Variants in ADGRL2 observed in about 807,000 individuals in gnomAD.
The protein encoded by ADGRL2 is calcium-independent alpha-latrotoxin receptor 2.
Under a neutral mutation model 157.4 loss-of-function variants are expected in ADGRL2, and 44 were observed. That is an observed-to-expected ratio of 0.28 (90% CI 0.22 to 0.36). The LOEUF is 0.36. Among genes scored for constraint, ADGRL2 ranks in the 10% least tolerant of loss-of-function variants. The pLI, the probability that ADGRL2 is intolerant of heterozygous loss-of-function variation, is 1.00. For missense variants in ADGRL2, 1,510 were observed against 1,768.9 expected, an observed-to-expected ratio of 0.85 and a Z score of 2.63; for synonymous variants, 585 against 624.7, an observed-to-expected ratio of 0.94 and a Z score of 0.95.
intron 1 of ADGRL2, among the ~76,000 whole-genome samples, chr1:81,755,354 C>T (rs1455126004): frequency 6.6e-6 from 1 of 151,482 alleles, no homozygotes; most frequent in Non-Finnish European, 1.5e-5. Flanking sequence ...TAGTTTGCTA[C>T]TATTGCTAAT....
intron 3 of ADGRL2, among the ~76,000 whole-genome samples, chr1:81,603,410 C>T (rs527418266): frequency 6.6e-6 from 1 of 152,264 alleles, no homozygotes; most frequent in East Asian, 1.9e-4. Flanking sequence ...CACATAATTA[C>T]TTATCTTCCA....
chr1:81,963,199 A>G (rs1439566626), intron 11 of ADGRL2, among the ~76,000 whole-genome samples: 1 of 151,932 alleles, frequency 6.6e-6, no homozygotes, highest in Non-Finnish European at 1.5e-5. Context: ...TATCACTTTT[A>G]AAATTACATA....
chr1:81,471,244 A>C (rs866206013), intron 2 of ADGRL2, among the ~76,000 whole-genome samples: 2 of 152,324 alleles, frequency 1.3e-5, no homozygotes, highest in Middle Eastern at 3.4e-3. Flanking sequence ...TTCTTTCTTC[A>C]GACCACCACA....
chr1:81,356,719 C>T (rs1209489199), intron 1 of ADGRL2, among the ~76,000 whole-genome samples: 14 of 151,796 alleles, frequency 9.2e-5, no homozygotes, highest in Admixed American at 3.3e-4. Flanking sequence ...TTTTGGAGGC[C>T]GAGGTGGGTG....
intron 1 of ADGRL2, among the ~76,000 whole-genome samples, chr1:81,759,419 C>A (rs2085795113): frequency 6.6e-6 from 1 of 152,018 alleles, no homozygotes; most frequent in Admixed American, 6.6e-5. Context: ...GATCACTTTG[C>A]TTCTTAGAGT....
chr1:81,686,235 G>C (rs568319059), intron 3 of ADGRL2, among the ~76,000 whole-genome samples: 3 of 152,162 alleles, frequency 2.0e-5, no homozygotes, highest in Admixed American at 6.5e-5. Context: ...TTGAATGTCT[G>C]GTAGAATTCT....
intron 1 of ADGRL2, among the ~76,000 whole-genome samples, chr1:81,444,361 A>G (rs937663505): frequency 3.3e-5 from 5 of 152,232 alleles, no homozygotes; most frequent in South Asian, 2.1e-4. Context: ...ATCACCTAAC[A>G]GGAGAGTAAA....
chr1:81,667,880 A>T (rs2082784585), intron 3 of ADGRL2, among the ~76,000 whole-genome samples: 1 of 152,188 alleles, frequency 6.6e-6, no homozygotes, highest in African/African-American at 2.4e-5. Flanking sequence ...CGTATTTATA[A>T]GATCTATGTG....
At chr1:81,931,928 T>C (rs931288530) in intron 3 of ADGRL2, among the ~76,000 whole-genome samples, 1 of 152,138 alleles carries the variant, frequency 6.6e-6, no homozygotes, top group African/African-American at 2.4e-5. Context: ...GCGTGAGCAA[T>C]AGCGCCTGAC....
intron 2 of ADGRL2, among the ~76,000 whole-genome samples, chr1:81,771,718 T>C (rs1222716936): frequency 3.3e-5 from 5 of 152,102 alleles, no homozygotes; most frequent in South Asian, 2.1e-4. Context: ...AGTGCAACCT[T>C]ATCCTATCCC....
intron 2 of ADGRL2, among the ~76,000 whole-genome samples, chr1:81,841,348 A>G (rs570937699): frequency 2.0e-5 from 3 of 152,270 alleles, no homozygotes; most frequent in South Asian, 2.1e-4. Context: ...CCCTAAGTAC[A>G]TTTTATAATG....
chr1:81,692,673 A>G (rs527652230), intron 3 of ADGRL2, among the ~76,000 whole-genome samples: 2 of 152,370 alleles, frequency 1.3e-5, no homozygotes, highest in African/African-American at 4.8e-5. Context: ...GATCTTTTTA[A>G]TAATCTTTTG....
At chr1:81,841,748 C>G (rs1460310173) in intron 2 of ADGRL2, among the ~76,000 whole-genome samples, 1 of 152,110 alleles carries the variant, frequency 6.6e-6, no homozygotes, top group Admixed American at 6.5e-5. Flanking sequence ...TGTTGTTGTT[C>G]ACTGATGTCT....
chr1:81,799,787 G>T (rs1571268150), upstream of ADGRL2, among the ~76,000 whole-genome samples: 1 of 151,952 alleles, frequency 6.6e-6, no homozygotes, highest in South Asian at 2.1e-4. Context: ...TGAAAAAAAG[G>T]TAAATATGCT....
chr1:81,928,600 A>G (rs560315690), intron 3 of ADGRL2, among the ~76,000 whole-genome samples: 130 of 152,218 alleles, frequency 8.5e-4, no homozygotes, highest in African/African-American at 2.9e-3. Flanking sequence ...TAATTTACTT[A>G]TTAACATATA....
At chr1:81,483,731 G>A (rs1266335541) in intron 2 of ADGRL2, among the ~76,000 whole-genome samples, 1 of 152,132 alleles carries the variant, frequency 6.6e-6, no homozygotes, top group Non-Finnish European at 1.5e-5. Flanking sequence ...CATTGGATGT[G>A]ACTCTGTGTT....
At chr1:81,525,679 T>C (rs1157101981) in intron 2 of ADGRL2, among the ~76,000 whole-genome samples, 2 of 152,204 alleles carry the variant, frequency 1.3e-5, no homozygotes, top group East Asian at 3.9e-4. Context: ...TTCAGTGGTA[T>C]CGTGTTGTTA....
chr1:81,545,864 T>A (rs981795340), intron 2 of ADGRL2, among the ~76,000 whole-genome samples: 2 of 152,064 alleles, frequency 1.3e-5, no homozygotes, highest in Admixed American at 6.5e-5. Context: ...CCTCCTGCGG[T>A]ATGGAAAACA....
rs1381998716 is a variant in ADGRL2 at position 81,403,238 on chromosome 1, TGTTGTTG to T, written c.-301-41797_-301-41791del. Among the ~76,000 whole-genome samples, 102 of 96,212 alleles carry T rather than the reference TGTTGTTG, an allele frequency of 1.1e-3. 1 individual carries two copies. The highest frequency in any genetic ancestry group is 5.0e-3 in the Middle Eastern group (1 of 202). The allele number at this position is 96,212 out of a possible 152,430, so 63.1% of individuals were successfully genotyped here. On this transcript the variant is annotated intron_variant, in intron 1 of 24. Coordinates refer to the ADGRL2 transcript ENST00000370721. The stretch of plus-strand genomic sequence containing the variant: ...GTAACACTTTTCCTTGTTTTTTTTT[TGTTGTTG>T]TTTGTTTGTTTGTTTGTTTGTTTTG...
Sources: gnomAD v4.1 joint callset for allele counts (sites outside exome capture counted in the v4.1 genomes callset) on GRCh38, gnomAD v4.1.1 for gene constraint, MANE v1.5 for transcripts, NCBI Gene and HGNC (gene_info 2026-07-23, HGNC 2026-07-21) for gene names.